The following KCNK10 variants were observed in gnomAD, a reference collection of about 807,000 sequenced individuals.
KCNK10 encodes the protein potassium channel subfamily K member 10.
KCNK10 carries 25 observed loss-of-function variants against 47.7 expected under a neutral mutation model. The observed-to-expected ratio is 0.52, with a 90% CI of 0.38 to 0.73. The LOEUF (loss-of-function observed/expected upper bound fraction) is 0.73. KCNK10 is among the 30% of genes least tolerant of loss of function. The pLI is 0.00. For missense variants in KCNK10, 563 were observed against 714.5 expected, an observed-to-expected ratio of 0.79 and a Z score of 2.42; for synonymous variants, 303 against 285.6, an observed-to-expected ratio of 1.06 and a Z score of -0.61.
chr14:88,230,264 C>A (rs1459744412), intron 3 of KCNK10, among the ~76,000 whole-genome samples: 2 of 152,176 alleles, frequency 1.3e-5, no homozygotes, highest in Non-Finnish European at 2.9e-5. Flanking sequence ...TGATTCCTAT[C>A]TTCCCTCCAG....
Position 88,189,023 on chromosome 14 carries a change from G to A in KCNK10, c.869-914C>T, listed in dbSNP as rs148251869. Among the ~76,000 whole-genome samples, 189 of 152,296 alleles carry A rather than the reference G, an allele frequency of 1.2e-3. 2 individuals carry two copies. The highest frequency in any genetic ancestry group is 4.1e-3 in the African/African-American group (171 of 41,550). ...TCTCTGGGAAACGCTATTGCCTAAGGAAGCAGGCAGTGGCCATTTCTAAGA... is the reference window on the plus strand; with the variant it reads ...TCTCTGGGAAACGCTATTGCCTAAGAAAGCAGGCAGTGGCCATTTCTAAGA... On this transcript the variant is annotated intron_variant, in intron 5 of 6. Coordinates refer to ENST00000319231, the MANE Select transcript of KCNK10 (RefSeq NM_138317.3).
intron 1 of KCNK10, chr14:88,270,849 T>C (rs1298237): frequency 0.68 from 527,529 of 780,426 alleles, 181,005 homozygotes; most frequent in East Asian, 0.94. Flanking sequence ...ACATGGACCC[T>C]TGCTAACAAT....
At chr14:88,293,940 A>C (rs755409234) in intron 1 of KCNK10, among the ~76,000 whole-genome samples, 11 of 152,274 alleles carry the variant, frequency 7.2e-5, no homozygotes, top group Middle Eastern at 6.8e-3. Context: ...CAGCCTCCCA[A>C]GTAGCTGAAG....
chr14:88,311,273 T>G (rs1008730506), intron 1 of KCNK10, among the ~76,000 whole-genome samples: 12 of 152,162 alleles, frequency 7.9e-5, no homozygotes, highest in Admixed American at 3.3e-4. Context: ...TAAATAATCT[T>G]TTAAAAATCT....
chr14:88,216,045 TG>T (rs1451648559), intron 4 of KCNK10, among the ~76,000 whole-genome samples: 1 of 152,188 alleles, frequency 6.6e-6, no homozygotes, highest in South Asian at 2.1e-4. Flanking sequence ...AGTGCTGAGA[TG>T]GTTTGCCTAG....
chr14:88,261,734 T>G (rs1887117112), intron 2 of KCNK10, among the ~76,000 whole-genome samples: 1 of 149,518 alleles, frequency 6.7e-6, no homozygotes, highest in African/African-American at 2.5e-5. Flanking sequence ...CACTCCAGCC[T>G]AAGTGACAGA....
intron 1 of KCNK10, among the ~76,000 whole-genome samples, chr14:88,272,630 T>C (rs1168635967): frequency 6.6e-6 from 1 of 151,954 alleles, no homozygotes; most frequent in African/African-American, 2.4e-5. Context: ...AGAGTGTGGC[T>C]CTTGTTGGTC....
chr14:88,202,722 G>A (rs1448028631), intron 4 of KCNK10, among the ~76,000 whole-genome samples: 1 of 148,270 alleles, frequency 6.7e-6, no homozygotes, highest in East Asian at 2.1e-4. Context: ...AGAGAAGGCG[G>A]AATGGCCACT....
intron 1 of KCNK10, among the ~76,000 whole-genome samples, chr14:88,270,273 G>C (rs181484892): frequency 6.6e-6 from 1 of 152,306 alleles, no homozygotes; most frequent in Admixed American, 6.5e-5. Context: ...GAAAGATGAG[G>C]AGCGCAGGAT....
chr14:88,288,390 T>G (rs944170943), intron 1 of KCNK10, among the ~76,000 whole-genome samples: 2 of 152,196 alleles, frequency 1.3e-5, no homozygotes, highest in African/African-American at 4.8e-5. Flanking sequence ...CATCCAGGGC[T>G]TGGACAGAAA....
Position 88,289,122 on chromosome 14 carries a change from C to T in KCNK10, c.53-25571G>A, listed in dbSNP as rs192881592. ...AGTCTACAGTCCAACCTTCACCCCA[C>T]CTCTGCCCTCCATGTAAAAATTTCC... On this transcript the variant is annotated intron_variant, in intron 1 of 6. Transcript: ENST00000319231. Among the ~76,000 whole-genome samples, 915 of 152,326 alleles carry T rather than the reference C, an allele frequency of 6.0e-3. 7 individuals carry two copies. The highest frequency in any genetic ancestry group is 6.8e-3 in the Non-Finnish European group (463 of 68,030).
At chr14:88,310,389 C>T (rs774911153) in intron 1 of KCNK10, among the ~76,000 whole-genome samples, 1 of 151,786 alleles carries the variant, frequency 6.6e-6, no homozygotes, top group Non-Finnish European at 1.5e-5. Context: ...GGCACTCACT[C>T]GCTAAGTGTT....
At chr14:88,235,714 G>C (rs1431015917) in intron 3 of KCNK10, among the ~76,000 whole-genome samples, 2 of 152,090 alleles carry the variant, frequency 1.3e-5, no homozygotes, top group African/African-American at 4.8e-5. Flanking sequence ...AAGTAGAAGA[G>C]AAATGAGAGA....
chr14:88,319,792 C>T (rs996130146), intron 1 of KCNK10, among the ~76,000 whole-genome samples: 3 of 152,186 alleles, frequency 2.0e-5, no homozygotes, highest in African/African-American at 7.2e-5. Context: ...GAAACACAGA[C>T]TTGAAGAGTG....
At position 88,186,228 on chromosome 14, in the gene KCNK10, C is replaced by A; in HGVS notation, c.1012-73G>T. On this transcript the variant is annotated intron_variant, in intron 6 of 6. Coordinates refer to ENST00000319231, the MANE Select transcript of KCNK10 (RefSeq NM_138317.3). This position sits in a 1 kb window ranked among gnomAD's most constrained non-coding sequence, Gnocchi z 5.5. ...GCCTTGGCCTCCCAGCACCCACAGCCCTCGGGTGTCCCCACGGGGAGGCCA... is the reference window on the plus strand; with the variant it reads ...GCCTTGGCCTCCCAGCACCCACAGCACTCGGGTGTCCCCACGGGGAGGCCA... The A allele has an allele frequency of 6.8e-7, 1 of 1,480,006 alleles. No homozygotes were observed. The allele number at this position is 1,480,006 out of a possible 1,614,324, so 91.7% of individuals were successfully genotyped here.
At position 88,192,228 on chromosome 14, in the gene KCNK10, C is replaced by T; in HGVS notation, c.864G>A (p.Val288=). ...TLTTVGFGDF[V]AGGNAGINYR... is the part of the protein sequence containing the mutation. ...TGGCCTGCCCAGGGTGCTTACCTGCCACAAAATCACCAAAGCCCACCGTGG... is the reference window on the plus strand; with the variant it reads ...TGGCCTGCCCAGGGTGCTTACCTGCTACAAAATCACCAAAGCCCACCGTGG... Residue 288 remains valine, a synonymous_variant, in exon 5 of 7, where the codon GTG becomes GTA. Transcript: ENST00000319231. 1 of 1,612,404 alleles carries T rather than the reference C, an allele frequency of 6.2e-7. No individual in the cohort carries two copies. Among genetic ancestry groups the T allele is most frequent in the Non-Finnish European group, 8.5e-7 (1 of 1,179,162 alleles).
chr14:88,239,721 T>C (rs1370428046), intron 3 of KCNK10, among the ~76,000 whole-genome samples: 2 of 151,890 alleles, frequency 1.3e-5, no homozygotes, highest in African/African-American at 4.8e-5. Context: ...TAGCTAGGCA[T>C]GGTGGTGGGC....
At chr14:88,284,496 AGCCGACAGT>A (rs1197723717) in intron 1 of KCNK10, among the ~76,000 whole-genome samples, 1 of 152,222 alleles carries the variant, frequency 6.6e-6, no homozygotes, top group East Asian at 1.9e-4. Context: ...AACGTAGGGA[AGCCGACAGT>A]GCACTGTGGC....
rs28507649 is a variant in KCNK10 at position 88,294,204 on chromosome 14, T to C, written c.52+28543A>G. Among the ~76,000 whole-genome samples the C allele has an allele frequency of 7.5e-3, 1,140 of 152,226 alleles. 23 individuals are homozygous for C. The highest frequency in any genetic ancestry group is 0.026 in the African/African-American group (1,098 of 41,532). ...ATTCCCCCAATCACCACCATGATAA[T>C]TAAAGAATGAGTATCTGACCCTAGA... On this transcript the variant is annotated intron_variant, in intron 1 of 6. Transcript: ENST00000319231.
Sources: allele counts gnomAD v4.1 joint callset (sites outside exome capture counted in the v4.1 genomes callset), GRCh38; gene constraint gnomAD v4.1.1; non-coding constraint Gnocchi (gnomAD v3.1); transcripts MANE v1.5; gene names NCBI Gene and HGNC (gene_info 2026-07-23, HGNC 2026-07-21).